Variants in PPP4R3B observed in about 807,000 individuals in gnomAD.
The protein encoded by PPP4R3B is serine/threonine-protein phosphatase 4 regulatory subunit 3B.
Under a neutral mutation model 95.4 loss-of-function variants are expected in PPP4R3B, and 52 were observed. That is an observed-to-expected ratio of 0.54 (90% CI 0.44 to 0.69). PPP4R3B has a LOEUF of 0.69. Among genes scored for constraint, PPP4R3B ranks in the 30% least tolerant of loss-of-function variants. The pLI is 0.00. For synonymous variants in PPP4R3B, 407 were observed against 343.9 expected (o/e 1.18, Z -2.03); for missense variants, 1,003 against 1,005.9 (o/e 1.00, Z 0.04).
intron 16 of PPP4R3B, among the ~76,000 whole-genome samples, chr2:55,551,656 CAGG>C (rs1306735951): frequency 6.6e-6 from 1 of 151,712 alleles, no homozygotes; most frequent in African/African-American, 2.4e-5. Flanking sequence ...GAGGCTGAGG[CAGG>C]AGAATTGCTT....
intron 16 of PPP4R3B, among the ~76,000 whole-genome samples, chr2:55,554,429 CTTTT>C (rs1218555320): frequency 6.6e-6 from 1 of 152,160 alleles, no homozygotes; most frequent in Non-Finnish European, 1.5e-5. Context: ...TTTTGTGCAT[CTTTT>C]TTATTATAGC....
chr2:55,604,585 C>T (rs149463482), intron 2 of PPP4R3B, among the ~76,000 whole-genome samples: 48 of 151,272 alleles, frequency 3.2e-4, no homozygotes, highest in African/African-American at 1.1e-3. Context: ...CATGGTGAAA[C>T]AAAGCTATTT....
chr2:55,554,923 G>A (rs1011136765), intron 16 of PPP4R3B, among the ~76,000 whole-genome samples: 4 of 152,116 alleles, frequency 2.6e-5, no homozygotes, highest in African/African-American at 2.4e-5. Flanking sequence ...TTTTGGATAT[G>A]ATGTGAGATA....
intron 7 of PPP4R3B, among the ~76,000 whole-genome samples, chr2:55,584,186 T>C (rs1197210728): frequency 6.6e-6 from 1 of 152,122 alleles, no homozygotes; most frequent in African/African-American, 2.4e-5. Flanking sequence ...ATTATAATTA[T>C]CTCCTACTTA....
In PPP4R3B at chr2:55,547,848, G is replaced by T. The variant is rs1684875115; in HGVS notation, c.*2063C>A. On this transcript the variant is annotated 3_prime_UTR_variant, in exon 17 of 17. Transcript: ENST00000616407. ...GCAGAGAATTGCTTGAACCCAGGTGGCGGATGTTGCAATAAGCCGAAATCG... is the reference window on the plus strand; with the variant it reads ...GCAGAGAATTGCTTGAACCCAGGTGTCGGATGTTGCAATAAGCCGAAATCG... 1 of 152,198 alleles carries T rather than the reference G, an allele frequency of 6.6e-6. No homozygotes were observed. Among genetic ancestry groups the T allele is most frequent in the South Asian group, 2.1e-4 (1 of 4,822 alleles). The allele number at this position is 152,198 out of a possible 1,614,324, so 9.4% of individuals were successfully genotyped here.
At chr2:55,584,338 CT>C (rs1195146647) in intron 7 of PPP4R3B, among the ~76,000 whole-genome samples, 1 of 151,752 alleles carries the variant, frequency 6.6e-6, no homozygotes, top group Non-Finnish European at 1.5e-5. Context: ...ATTAAACTGT[CT>C]TTTTTTTAAT....
At chr2:55,555,038 TG>T (rs1331901634) in intron 16 of PPP4R3B, among the ~76,000 whole-genome samples, 2 of 152,110 alleles carry the variant, frequency 1.3e-5, no homozygotes, top group Non-Finnish European at 2.9e-5. Context: ...CCCAACACTT[TG>T]GGAGGCCGAG....
chr2:55,564,648 T>G, intron 14 of PPP4R3B, 151 bp from the exon 15 acceptor site: 1 of 795,738 alleles, frequency 1.3e-6, no homozygotes, highest in Non-Finnish European at 1.9e-6. Context: ...ATAGAAGATG[T>G]AGCCAGAGAA....
intron 5 of PPP4R3B, among the ~76,000 whole-genome samples, chr2:55,588,621 T>G (rs1334318889): frequency 1.3e-5 from 2 of 152,122 alleles, no homozygotes; most frequent in Non-Finnish European, 2.9e-5. Context: ...GGCACTTATC[T>G]GATTTGGGGA....
chr2:55,612,081 A>G (rs1694246706), intron 2 of PPP4R3B, among the ~76,000 whole-genome samples: 1 of 152,110 alleles, frequency 6.6e-6, no homozygotes, highest in African/African-American at 2.4e-5. Flanking sequence ...CATCTCATTC[A>G]CTTACTCATT....
In PPP4R3B at chr2:55,568,296, C is replaced by T. The variant is rs534620904; in HGVS notation, c.1833G>A (p.Lys611=). 1 of 1,610,672 alleles carries T rather than the reference C, an allele frequency of 6.2e-7. No individual in the cohort carries two copies. The highest frequency in any genetic ancestry group is 2.2e-5 in the East Asian group (1 of 44,658). ...TTATAACTGGCTCAAAAAGATTTCC[C>T]TTGGTGATGTAACGATTATAAAATT... is the stretch of plus-strand genomic sequence containing the variant. ...KDEFYNRYIT[K]GNLFEPVINA... The change falls in exon 13 of 17, where the codon AAG becomes AAA. Residue 611 remains lysine (K), a synonymous_variant. Transcript: ENST00000616407.
chr2:55,574,856 A>G (rs537129770), intron 11 of PPP4R3B, among the ~76,000 whole-genome samples: 1 of 151,286 alleles, frequency 6.6e-6, no homozygotes, highest in Non-Finnish European at 1.5e-5. Context: ...AGCCACCCAA[A>G]GTGCTGGCAT....
chr2:55,599,129 G>C (rs543915300), intron 3 of PPP4R3B, 90 bp from the exon 4 acceptor site: 2 of 1,192,128 alleles, frequency 1.7e-6, no homozygotes, highest in Non-Finnish European at 2.3e-6. Flanking sequence ...TGCCTGGCTA[G>C]TCACTACTAA....
At position 55,605,891 on chromosome 2, in the gene PPP4R3B, C is replaced by T. The variant is rs1013325115; in HGVS notation, c.199-1815G>A. 1.1e-4 allele frequency among the ~76,000 whole-genome samples: 15 copies of T among 135,836 alleles called. No individual in the cohort carries two copies. In the East Asian group the frequency reaches 1.7e-3, roughly 15 times the overall value. The allele number at this position is 135,836 out of a possible 152,430, so 89.1% of individuals were successfully genotyped here. On this transcript the variant is annotated intron_variant, in intron 2 of 16. Coordinates refer to ENST00000616407, the MANE Select transcript of PPP4R3B (RefSeq NM_001122964.3). Reference sequence around the variant, plus strand: ...ATTGCACTCCAGCCTGGCAACAGTGCGAGACTCCGTCTCAAAAAAAAAAAA... The same window carrying T: ...ATTGCACTCCAGCCTGGCAACAGTGTGAGACTCCGTCTCAAAAAAAAAAAA...
intron 8 of PPP4R3B, among the ~76,000 whole-genome samples, chr2:55,580,502 T>C (rs1689309528): frequency 1.3e-5 from 2 of 152,172 alleles, no homozygotes; most frequent in Non-Finnish European, 2.9e-5. Context: ...AAGAACCAAT[T>C]AAGCCCATGT....
intron 15 of PPP4R3B, among the ~76,000 whole-genome samples, chr2:55,562,701 T>C (rs1363243521): frequency 6.6e-6 from 1 of 152,144 alleles, no homozygotes; most frequent in Non-Finnish European, 1.5e-5. Context: ...ATCTTAGAAA[T>C]CTCAGTATTA....
intron 1 of PPP4R3B, chr2:55,616,411 C>G (rs1181454944): frequency 1.3e-5 from 2 of 152,212 alleles, no homozygotes; most frequent in East Asian, 3.8e-4. Context: ...TTGTTCAAAT[C>G]AAGTCCAGAT....
chr2:55,610,922 G>T (rs1373909876), intron 2 of PPP4R3B, among the ~76,000 whole-genome samples: 1 of 150,724 alleles, frequency 6.6e-6, no homozygotes, highest in Non-Finnish European at 1.5e-5. Flanking sequence ...CTGGAGTGCG[G>T]TAGCACAGTA....
In PPP4R3B at chr2:55,575,161, C is replaced by T. The variant is rs1045444695; in HGVS notation, c.1607-1384G>A. 3.3e-5 allele frequency among the ~76,000 whole-genome samples: 5 copies of T among 151,824 alleles called. No individual in the cohort carries two copies. The East Asian group carries it at 9.7e-4, about 29-fold the overall frequency. ...TTCACCGTGTTAGCCAGGATGGTCT[C>T]GATCTCCTGACCTCATGATCCGCCC... On this transcript the variant is annotated intron_variant, in intron 11 of 16. Transcript: ENST00000616407.
Sources: gnomAD v4.1 joint callset for allele counts (sites outside exome capture counted in the v4.1 genomes callset) on GRCh38, gnomAD v4.1.1 for gene constraint, MANE v1.5 for transcripts, NCBI Gene and HGNC (gene_info 2026-07-23, HGNC 2026-07-21) for gene names.